POLR3K: variants seen among roughly 807,000 people sequenced by gnomAD.
The protein encoded by POLR3K is RNA polymerase III subunit K, also known as DNA-directed RNA polymerase III subunit RPC10.
In POLR3K, 11 loss-of-function variants were observed where a neutral mutation model predicts 13.5. The observed-to-expected ratio is 0.81, with a 90% CI of 0.51 to 1.35. POLR3K has a LOEUF of 1.35. Among genes scored for constraint, POLR3K ranks in the 40% most tolerant of loss-of-function variants. The pLI is 0.00. For missense variants in POLR3K, 144 were observed against 145.3 expected (o/e 0.99, Z 0.05); for synonymous variants, 56 against 51.5 (o/e 1.09, Z -0.38).
chr16:52,446 CAAAAAAAAAAAA>C (rs767411954), intron 1 of POLR3K, among the ~76,000 whole-genome samples: 7 of 74,194 alleles, frequency 9.4e-5, no homozygotes, highest in Admixed American at 1.6e-4. Context: ...GACTCTGTCT[CAAAAAAAAAAAA>C]AAAAAAAAAA....
At chr16:47,669 G>A (rs527441902) in intron 2 of POLR3K, 112 bp from the exon 3 acceptor site, 2 of 1,136,706 alleles carry the variant, frequency 1.8e-6, no homozygotes, top group South Asian at 2.9e-5. Context: ...ATCACCTGAG[G>A]TCAGGAGTTC....
intron 1 of POLR3K, 160 bp from the exon 2 acceptor site, chr16:51,805 G>C (rs1227279607): frequency 1.7e-6 from 1 of 575,820 alleles, no homozygotes; most frequent in African/African-American, 1.9e-5. Context: ...CGGATCACGA[G>C]GTCAAGAGAT....
chr16:51,886 G>A (rs1405344901), intron 1 of POLR3K: 1 of 363,684 alleles, frequency 2.7e-6, no homozygotes, highest in Non-Finnish European at 5.2e-6. Context: ...CCGGCGTGTT[G>A]GCGGGCGCCT....
rs216591 is a variant in POLR3K, at chr16:51,936, T to C, written c.112-291A>G. The C allele has an allele frequency of 8.0e-3, 2,137 of 267,172 alleles. 41 individuals are homozygous for C. The highest frequency in any genetic ancestry group is 0.045 in the African/African-American group (1,952 of 43,446). The allele number at this position is 267,172 out of a possible 1,614,324, so 16.6% of individuals were successfully genotyped here. ...TCAGGAGGCTGAGGCAGGAGAATGGTGTGAACCTGGGAGGCGGAGCTTGCA... is the reference window on the plus strand; with the variant it reads ...TCAGGAGGCTGAGGCAGGAGAATGGCGTGAACCTGGGAGGCGGAGCTTGCA... On this transcript the variant is annotated intron_variant, in intron 1 of 2. Transcript: ENST00000293860.
In POLR3K at chr16:47,569, A is replaced by C; in HGVS notation, c.200-12T>G. 1.9e-6 allele frequency: 3 copies of C among 1,610,248 alleles called. No homozygotes were observed. Among genetic ancestry groups the C allele is most frequent in the Non-Finnish European group, 2.5e-6 (3 of 1,177,568 alleles). Reference sequence around the variant, plus strand: ...TTTGGGACACGACTCTGGCAATGAGAAAAAAGAAGTGACCACATTTAAAAA... The same window carrying C: ...TTTGGGACACGACTCTGGCAATGAGCAAAAAGAAGTGACCACATTTAAAAA... On this transcript the variant is annotated splice_polypyrimidine_tract_variant and intron_variant, in intron 2 of 2. Transcript: ENST00000293860.
chr16:51,711 A>G, intron 1 of POLR3K, 66 bp from the exon 2 acceptor site: 1 of 1,348,686 alleles, frequency 7.4e-7, no homozygotes, highest in South Asian at 1.2e-5. Flanking sequence ...CCAAACCTTA[A>G]ATTTCAGGAT....
At chr16:53,031 G>A (rs1897356428) in intron 1 of POLR3K, 1 of 164,548 alleles carries the variant, frequency 6.1e-6, no homozygotes, top group Non-Finnish European at 1.3e-5. Flanking sequence ...GATCGTCCAG[G>A]AGGCGGTGTT....
In POLR3K at chr16:47,390, C is replaced by A. The variant is rs781209462; in HGVS notation, c.*40G>T. The A allele has an allele frequency of 3.8e-6, 6 of 1,599,720 alleles. No individual in the cohort carries two copies. Among genetic ancestry groups the A allele is most frequent in the Admixed American group, 1.7e-5 (1 of 59,206 alleles). On this transcript the variant is annotated 3_prime_UTR_variant, in exon 3 of 3. Coordinates refer to ENST00000293860, the MANE Select transcript of POLR3K (RefSeq NM_016310.5). ...CCAGCTAAGCATCTACCCCGAGGGA[C>A]AAGGCAAGCACACACTAGGGCAGCT...
intron 2 of POLR3K, among the ~76,000 whole-genome samples, chr16:48,681 G>T (rs1393452220): frequency 1.3e-5 from 2 of 151,764 alleles, no homozygotes; most frequent in South Asian, 4.2e-4. Flanking sequence ...CGTGGTGTCG[G>T]GTGCCTGCAG....
chr16:53,495 A>G lies in POLR3K; in HGVS notation c.92T>C (p.Val31Ala), dbSNP rs1301733587. 2 of 1,612,472 alleles carry G rather than the reference A, an allele frequency of 1.2e-6. No individual in the cohort carries two copies. The highest frequency in any genetic ancestry group is 2.2e-5 in the South Asian group (2 of 91,008). The change falls in exon 1 of 3, where the codon GTG (valine) becomes GCG (alanine). Residue 31 changes from valine to alanine, a missense_variant. Transcript: ENST00000293860. Reference protein sequence around the residue: ...HRFACNTCPYVHNITRKVTNR... With the variant: ...HRFACNTCPYAHNITRKVTNR... ...TCCCACCTTGCGGGTGATGTTGTGC[A>G]CGTAGGGGCACGTGTTGCAGGCGAA...
rs1181527858 is a variant in POLR3K at position 53,469 on chromosome 16, G to A, written c.111+7C>T. 2.5e-6 allele frequency: 4 copies of A among 1,606,734 alleles called. No homozygotes were observed. Among genetic ancestry groups the A allele is most frequent in the African/African-American group, 2.7e-5 (2 of 74,680 alleles). On this transcript the variant is annotated splice_region_variant and intron_variant, in intron 1 of 2. Transcript: ENST00000293860. Reference sequence around the variant, plus strand: ...GCCCGCGCCCAGCGCCGGCCTTCGGGTCCCACCTTGCGGGTGATGTTGTGC... The same window carrying A: ...GCCCGCGCCCAGCGCCGGCCTTCGGATCCCACCTTGCGGGTGATGTTGTGC...
At chr16:47,741 C>T (rs534362170) in intron 2 of POLR3K, among the ~76,000 whole-genome samples, 184 bp from the exon 3 acceptor site, 1 of 143,732 alleles carries the variant, frequency 7.0e-6, no homozygotes, top group Admixed American at 7.1e-5. Flanking sequence ...ATTAGCCAGG[C>T]GTGGTGGCGG....
chr16:52,446 CA>C (rs767411954), intron 1 of POLR3K, among the ~76,000 whole-genome samples: 22 of 74,178 alleles, frequency 3.0e-4, no homozygotes, highest in Non-Finnish European at 3.0e-4. Flanking sequence ...GACTCTGTCT[CA>C]AAAAAAAAAA....
Position 51,598 on chromosome 16 carries a change from A to T in POLR3K, c.159T>A (p.Leu53=). Reference sequence around the variant, plus strand: ...CATTCTCCCAGGCAGCTGCTCCACCAAGCACATCATCCACTTCTTTCAGTT... The same window carrying T: ...CATTCTCCCAGGCAGCTGCTCCACCTAGCACATCATCCACTTCTTTCAGTT... ...YPKLKEVDDV[L]GGAAAWENVD... The change falls in exon 2 of 3, where the codon CTT becomes CTA. Residue 53 remains leucine, a synonymous_variant. Transcript: ENST00000293860. The T allele has an allele frequency of 6.2e-7, 1 of 1,614,162 alleles. No homozygotes were observed. The highest frequency in any genetic ancestry group is 8.5e-7 in the Non-Finnish European group (1 of 1,180,010).
intron 2 of POLR3K, among the ~76,000 whole-genome samples, chr16:51,312 G>A (rs970807719): frequency 6.6e-6 from 1 of 151,416 alleles, no homozygotes; most frequent in Non-Finnish European, 1.5e-5. Context: ...CCCAAGGAAG[G>A]TCCTACAACA....
chr16:47,313 T>C lies in POLR3K; in HGVS notation c.*117A>G. ...CCCCCTGGCTCTTCACCTCAAAAGGTTTATCTTTCCACCACACTAGCAAAG... is the reference window on the plus strand; with the variant it reads ...CCCCCTGGCTCTTCACCTCAAAAGGCTTATCTTTCCACCACACTAGCAAAG... On this transcript the variant is annotated 3_prime_UTR_variant, in exon 3 of 3. Coordinates refer to ENST00000293860, the MANE Select transcript of POLR3K (RefSeq NM_016310.5). 1.5e-6 allele frequency: 2 copies of C among 1,365,434 alleles called. No individual in the cohort carries two copies. Among genetic ancestry groups the C allele is most frequent in the South Asian group, 2.9e-5 (2 of 69,958 alleles). The allele number at this position is 1,365,434 out of a possible 1,614,324, so 84.6% of individuals were successfully genotyped here.
chr16:48,356 G>A (rs746961946), intron 2 of POLR3K, among the ~76,000 whole-genome samples: 1 of 152,132 alleles, frequency 6.6e-6, no homozygotes, highest in Non-Finnish European at 1.5e-5. Flanking sequence ...GAGTCCCATG[G>A]TTCTTCTCAA....
Position 47,258 on chromosome 16 carries a change from C to A in POLR3K, c.*172G>T. On this transcript the variant is annotated 3_prime_UTR_variant, in exon 3 of 3. Coordinates refer to ENST00000293860, the MANE Select transcript of POLR3K (RefSeq NM_016310.5). ...CCCAGACATTCATGACTTCATCCAC[C>A]CTGCCTGGCAGATAGGCCATATTTC... The A allele has an allele frequency of 1.3e-6, 1 of 744,616 alleles. No homozygotes were observed. The highest frequency in any genetic ancestry group is 2.0e-6 in the Non-Finnish European group (1 of 504,684). The allele number at this position is 744,616 out of a possible 1,614,324, so 46.1% of individuals were successfully genotyped here.
chr16:52,072 C>G (rs1897337824), intron 1 of POLR3K: 1 of 171,934 alleles, frequency 5.8e-6, no homozygotes, highest in Non-Finnish European at 1.3e-5. Flanking sequence ...AAACTCCAAA[C>G]TCCCACAACA....
Sources: allele counts gnomAD v4.1 joint callset (sites outside exome capture counted in the v4.1 genomes callset), GRCh38; gene constraint gnomAD v4.1.1; transcripts MANE v1.5; gene names NCBI Gene and HGNC (gene_info 2026-07-23, HGNC 2026-07-21).